The following NRXN3 variants were observed in gnomAD, a reference collection of about 807,000 sequenced individuals.
NRXN3 encodes neurexin 3.
Under a neutral mutation model 137.6 loss-of-function variants are expected in NRXN3, and 32 were observed. That is an observed-to-expected ratio of 0.23 (90% CI 0.18 to 0.31). The LOEUF is 0.31. Among genes scored for constraint, NRXN3 ranks in the 10% least tolerant of loss-of-function variants. The pLI, the probability that NRXN3 is intolerant of heterozygous loss-of-function variation, is 1.00. For synonymous variants in NRXN3, 798 were observed against 784.5 expected, an observed-to-expected ratio of 1.02 and a Z score of -0.29; for missense variants, 1,574 against 2,062.5, an observed-to-expected ratio of 0.76 and a Z score of 4.59.
chr14:78,569,051 T>C (rs1026458164), intron 4 of NRXN3, among the ~76,000 whole-genome samples: 7 of 145,258 alleles, frequency 4.8e-5, no homozygotes, highest in Non-Finnish European at 8.9e-5. Flanking sequence ...CACTGCCAGC[T>C]CTGCCTCCCA....
chr14:78,419,227 C>CT (rs2093315824), intron 4 of NRXN3, among the ~76,000 whole-genome samples: 1 of 152,116 alleles, frequency 6.6e-6, no homozygotes, highest in African/African-American at 2.4e-5. Context: ...TCTAGTCCAA[C>CT]TTTTTAATTT....
intron 4 of NRXN3, among the ~76,000 whole-genome samples, chr14:78,560,012 T>TC (rs2152263200): frequency 6.6e-6 from 1 of 152,324 alleles, no homozygotes; most frequent in Admixed American, 6.5e-5. Flanking sequence ...GTTGCAAGAC[T>TC]CCAGTAAGTG....
At chr14:79,089,144 A>C (rs1180862483) in intron 15 of NRXN3, among the ~76,000 whole-genome samples, 1 of 152,208 alleles carries the variant, frequency 6.6e-6, no homozygotes, top group Admixed American at 6.6e-5. Flanking sequence ...GGGATAAGTC[A>C]ATAGAGCTGC....
intron 15 of NRXN3, among the ~76,000 whole-genome samples, chr14:79,094,174 G>A (rs1387579083): frequency 1.3e-5 from 2 of 152,150 alleles, no homozygotes; most frequent in Non-Finnish European, 2.9e-5. Flanking sequence ...ATGGTTAGAA[G>A]GGGACATGGC....
intron 15 of NRXN3, among the ~76,000 whole-genome samples, chr14:79,411,381 C>G (rs1248261623): frequency 6.6e-6 from 1 of 152,078 alleles, no homozygotes; most frequent in Non-Finnish European, 1.5e-5. Flanking sequence ...CACCCCCAAC[C>G]CTGCAATCAT....
intron 14 of NRXN3, among the ~76,000 whole-genome samples, chr14:78,986,093 A>G (rs1272803228): frequency 1.3e-5 from 2 of 152,308 alleles, no homozygotes; most frequent in East Asian, 1.9e-4. Flanking sequence ...AACCCTTTGT[A>G]GTCGTGCATC....
intron 15 of NRXN3, among the ~76,000 whole-genome samples, chr14:79,108,695 G>T (rs2052916923): frequency 6.6e-6 from 1 of 152,088 alleles, no homozygotes; most frequent in Admixed American, 6.6e-5. Context: ...TTCCTAAAAT[G>T]AATGAACTCT....
chr14:78,651,405 T>C, intron 6 of NRXN3, 79 bp downstream of exon 6: 1 of 1,449,720 alleles, frequency 6.9e-7, no homozygotes, highest in Non-Finnish European at 9.5e-7. Context: ...AATCAATGAC[T>C]GGATCTGTCC....
At chr14:79,031,357 T>C (rs1236714389) in intron 15 of NRXN3, among the ~76,000 whole-genome samples, 1 of 152,160 alleles carries the variant, frequency 6.6e-6, no homozygotes, top group East Asian at 1.9e-4. Flanking sequence ...AATGAATAGG[T>C]AACACATTAT....
At chr14:79,670,227 A>T (rs2098599479) in intron 17 of NRXN3, among the ~76,000 whole-genome samples, 1 of 152,076 alleles carries the variant, frequency 6.6e-6, no homozygotes, top group Non-Finnish European at 1.5e-5. Context: ...CATGTAAACG[A>T]TGGGCATTTG....
intron 4 of NRXN3, among the ~76,000 whole-genome samples, chr14:78,341,521 G>A (rs997149867): frequency 3.9e-5 from 6 of 152,168 alleles, no homozygotes; most frequent in African/African-American, 9.7e-5. Flanking sequence ...AAAAATGAGC[G>A]TGACTGTGTT....
chr14:79,441,421 C>T (rs778534579), intron 15 of NRXN3, among the ~76,000 whole-genome samples: 3 of 118,802 alleles, frequency 2.5e-5, no homozygotes, highest in African/African-American at 6.5e-5. Context: ...GCTCTGTTGT[C>T]CAGGCTGGAG....
chr14:78,213,701 C>T (rs912980607), intron 1 of NRXN3, among the ~76,000 whole-genome samples: 1 of 152,136 alleles, frequency 6.6e-6, no homozygotes, highest in African/African-American at 2.4e-5. Context: ...GTTGTCAACT[C>T]TGCTCTCTGT....
At chr14:78,235,022 A>ATG (rs1555418683) in intron 1 of NRXN3, among the ~76,000 whole-genome samples, 3 of 58,080 alleles carry the variant, frequency 5.2e-5, no homozygotes, top group Non-Finnish European at 1.1e-4. Flanking sequence ...ATATATATAT[A>ATG]TGTGTATATA....
intron 4 of NRXN3, among the ~76,000 whole-genome samples, chr14:78,395,385 T>C (rs878929331): frequency 1.3e-5 from 2 of 151,980 alleles, no homozygotes; most frequent in African/African-American, 4.8e-5. Context: ...TAATGTTGGT[T>C]GGCACATGCA....
chr14:79,066,386 C>A (rs2099680791), intron 15 of NRXN3, among the ~76,000 whole-genome samples: 1 of 152,168 alleles, frequency 6.6e-6, no homozygotes, highest in Admixed American at 6.5e-5. Flanking sequence ...GTTTTGGTTA[C>A]TGTAGCCTTG....
intron 15 of NRXN3, among the ~76,000 whole-genome samples, chr14:79,394,201 T>A (rs1366035509): frequency 6.6e-6 from 1 of 152,196 alleles, no homozygotes; most frequent in Non-Finnish European, 1.5e-5. Flanking sequence ...TCAACCAGGA[T>A]GTAGGAAGAA....
intron 15 of NRXN3, among the ~76,000 whole-genome samples, chr14:79,153,696 T>C (rs1423738791): frequency 6.6e-6 from 1 of 151,976 alleles, no homozygotes; most frequent in Non-Finnish European, 1.5e-5. Flanking sequence ...AGTAGACCTC[T>C]TTTTTCTCTT....
chr14:78,691,152 A>G (rs532213217), intron 6 of NRXN3, among the ~76,000 whole-genome samples: 1 of 152,282 alleles, frequency 6.6e-6, no homozygotes, highest in East Asian at 1.9e-4. Context: ...TATTGCACAG[A>G]TATTGCATAT....
Sources: allele counts gnomAD v4.1 joint callset (sites outside exome capture counted in the v4.1 genomes callset), GRCh38; gene constraint gnomAD v4.1.1; transcripts MANE v1.5; gene names NCBI Gene and HGNC (gene_info 2026-07-23, HGNC 2026-07-21).